The following PRICKLE2 variants were observed in gnomAD, a reference collection of about 807,000 sequenced individuals.
PRICKLE2 encodes the protein prickle-like protein 2.
In PRICKLE2, 21 loss-of-function variants were observed where a neutral mutation model predicts 81.4. That is an observed-to-expected ratio of 0.26 (90% CI 0.18 to 0.37). PRICKLE2 has a LOEUF of 0.37. Ranked by LOEUF, PRICKLE2 falls within the 10% of genes least tolerant of loss-of-function variation. PRICKLE2 has a pLI of 1.00. For synonymous variants in PRICKLE2, 456 were observed against 421.5 expected (o/e 1.08, Z -1.00); for missense variants, 940 against 1,109.0 (o/e 0.85, Z 2.16).
At chr3:64,254,464 G>A (rs1275986296) in intron 2 of PRICKLE2, among the ~76,000 whole-genome samples, 1 of 152,168 alleles carries the variant, frequency 6.6e-6, no homozygotes, top group African/African-American at 2.4e-5. Flanking sequence ...CAGGAGTATG[G>A]ATCAGCTGTT....
chr3:64,104,982 C>T (rs1467256091), intron 7 of PRICKLE2, among the ~76,000 whole-genome samples: 1 of 152,186 alleles, frequency 6.6e-6, no homozygotes, highest in Non-Finnish European at 1.5e-5. Context: ...CTTACGCAGA[C>T]CTTAAGGCCC....
At chr3:64,264,140 T>C (rs931671262) in intron 2 of PRICKLE2, among the ~76,000 whole-genome samples, 4 of 151,866 alleles carry the variant, frequency 2.6e-5, no homozygotes, top group Non-Finnish European at 4.4e-5. Flanking sequence ...CCCAGGTAGA[T>C]GCTTGGAATT....
At chr3:64,233,254 C>G (rs939452095) in intron 2 of PRICKLE2, among the ~76,000 whole-genome samples, 6 of 152,174 alleles carry the variant, frequency 3.9e-5, no homozygotes, top group African/African-American at 9.7e-5. Context: ...TTGCCTCCTA[C>G]CTGGTCTATT....
intron 2 of PRICKLE2, among the ~76,000 whole-genome samples, chr3:64,232,332 T>C (rs1357280363): frequency 6.6e-6 from 1 of 152,232 alleles, no homozygotes; most frequent in Non-Finnish European, 1.5e-5. Flanking sequence ...TGAACATTTT[T>C]GGAATTAATA....
At position 64,094,073 on chromosome 3, in the gene PRICKLE2, C is replaced by T. The variant is rs916857367; in HGVS notation, c.*4978G>A. On this transcript the variant is annotated 3_prime_UTR_variant, in exon 8 of 8. Transcript: ENST00000638394. ...CAGACTCTGGCCTGCCTCACCTTCCCAGGCCCTTTGAGGTTTTGTTTATGC... is the reference window on the plus strand; with the variant it reads ...CAGACTCTGGCCTGCCTCACCTTCCTAGGCCCTTTGAGGTTTTGTTTATGC... The T allele has an allele frequency of 6.6e-6, 1 of 152,540 alleles. No homozygotes were observed. The highest frequency in any genetic ancestry group is 1.5e-5 in the Non-Finnish European group (1 of 68,030). The allele number at this position is 152,540 out of a possible 1,614,324, so 9.4% of individuals were successfully genotyped here. A position where few individuals can be genotyped will look rare whatever the true frequency, so the allele number is the denominator to read the frequency against.
intron 7 of PRICKLE2, among the ~76,000 whole-genome samples, chr3:64,113,244 G>A (rs2076879490): frequency 1.3e-5 from 2 of 152,180 alleles, no homozygotes; most frequent in Non-Finnish European, 2.9e-5. Context: ...GGGCAGGGGT[G>A]GCCATTCCCC....
chr3:64,260,215 C>T (rs2079596912), intron 2 of PRICKLE2, among the ~76,000 whole-genome samples: 1 of 152,146 alleles, frequency 6.6e-6, no homozygotes, highest in Non-Finnish European at 1.5e-5. Flanking sequence ...CTGGCACATT[C>T]TCAGGAAGTG....
At chr3:64,244,071 A>G (rs2079310104) in intron 2 of PRICKLE2, among the ~76,000 whole-genome samples, 1 of 152,224 alleles carries the variant, frequency 6.6e-6, no homozygotes, top group Non-Finnish European at 1.5e-5. Context: ...ATCAAAGACA[A>G]CAGAAAAACT....
At chr3:64,180,762 A>T (rs2078115992) in intron 2 of PRICKLE2, among the ~76,000 whole-genome samples, 1 of 152,120 alleles carries the variant, frequency 6.6e-6, no homozygotes, top group Admixed American at 6.5e-5. Context: ...CAAACTCCTG[A>T]CCTCACGTGA....
chr3:64,260,260 C>G (rs1051316801), intron 2 of PRICKLE2, among the ~76,000 whole-genome samples: 7 of 152,088 alleles, frequency 4.6e-5, no homozygotes, highest in African/African-American at 1.7e-4. Flanking sequence ...CTAACGGGAC[C>G]CAAGAGGGAA....
chr3:64,210,589 T>C (rs2078770288), intron 1 of PRICKLE2, among the ~76,000 whole-genome samples: 1 of 152,202 alleles, frequency 6.6e-6, no homozygotes, highest in Non-Finnish European at 1.5e-5. Flanking sequence ...TCCCAGGGGT[T>C]GCTGAAGTTG....
At chr3:64,256,258 T>A (rs2079522703) in intron 2 of PRICKLE2, among the ~76,000 whole-genome samples, 1 of 152,186 alleles carries the variant, frequency 6.6e-6, no homozygotes, top group Admixed American at 6.5e-5. Flanking sequence ...TAGATAAATA[T>A]TTGCAATCAA....
At chr3:64,234,438 G>A (rs2079151732) in intron 2 of PRICKLE2, among the ~76,000 whole-genome samples, 1 of 152,104 alleles carries the variant, frequency 6.6e-6, no homozygotes, top group Non-Finnish European at 1.5e-5. Context: ...TCATATGTGT[G>A]TTGGCTATTT....
intron 1 of PRICKLE2, among the ~76,000 whole-genome samples, chr3:64,217,570 G>T (rs696025): frequency 4.3e-3 from 653 of 152,300 alleles, no homozygotes; most frequent in Non-Finnish European, 7.8e-3. Flanking sequence ...GCTATTGGTA[G>T]GTGTTCAATA....
chr3:64,250,576 G>A (rs1252534869), intron 2 of PRICKLE2, among the ~76,000 whole-genome samples: 2 of 152,182 alleles, frequency 1.3e-5, no homozygotes, highest in Non-Finnish European at 2.9e-5. Flanking sequence ...AGGTGTTTTT[G>A]GTGGAGAGGG....
In PRICKLE2 at chr3:64,159,932, A is replaced by G. The variant is rs770073976; in HGVS notation, c.396+8T>C. ...AATGCCTCTTCACTCCCCTGAATCC[A>G]TGCTTACCTGTTCACAAATAGCTCC... On this transcript the variant is annotated splice_region_variant and intron_variant, in intron 4 of 7. Coordinates refer to ENST00000638394, the MANE Select transcript of PRICKLE2 (RefSeq NM_198859.4). 1.9e-6 allele frequency: 3 copies of G among 1,614,124 alleles called. No individual in the cohort carries two copies. The highest frequency in any genetic ancestry group is 2.5e-6 in the Non-Finnish European group (3 of 1,180,016).
intron 7 of PRICKLE2, among the ~76,000 whole-genome samples, chr3:64,137,008 A>G (rs571007994): frequency 1.3e-5 from 2 of 152,342 alleles, no homozygotes; most frequent in Admixed American, 6.5e-5. Flanking sequence ...GCCACAAACT[A>G]TTCACTATGT....
intron 2 of PRICKLE2, chr3:64,174,440 GA>G (rs55838516): frequency 0.34 from 51,092 of 152,076 alleles, 9,879 homozygotes; most frequent in Admixed American, 0.44. Context: ...AGCTTCGGTT[GA>G]CCGACATGTG....
chr3:64,234,912 C>A (rs571852630), intron 2 of PRICKLE2, among the ~76,000 whole-genome samples: 2 of 152,276 alleles, frequency 1.3e-5, no homozygotes, highest in Admixed American at 6.5e-5. Flanking sequence ...TAGACTAATA[C>A]TTTTCATAAG....
Sources: allele counts gnomAD v4.1 joint callset (sites outside exome capture counted in the v4.1 genomes callset), GRCh38; gene constraint gnomAD v4.1.1; transcripts MANE v1.5; gene names NCBI Gene and HGNC (gene_info 2026-07-23, HGNC 2026-07-21).